AGBL1: variants seen among roughly 807,000 people sequenced by gnomAD.
AGBL1 encodes AGBL carboxypeptidase 1.
A neutral mutation model predicts 118.9 loss-of-function variants in AGBL1; 130 were observed. The ratio of observed to expected loss-of-function variants is 1.09; its 90% CI spans 0.95 to 1.26. AGBL1 has a LOEUF of 1.26. Ranked by LOEUF, AGBL1 falls within the 50% of genes most tolerant of loss-of-function variation. The pLI is 0.00. For missense variants in AGBL1, 1,584 were observed against 1,298.1 expected, an observed-to-expected ratio of 1.22 and a Z score of -3.38; for synonymous variants, 555 against 478.9, an observed-to-expected ratio of 1.16 and a Z score of -2.08.
At chr15:86,380,788 T>A (rs2081104123) in intron 17 of AGBL1, among the ~76,000 whole-genome samples, 2 of 152,222 alleles carry the variant, frequency 1.3e-5, no homozygotes, top group Admixed American at 1.3e-4. Context: ...AGCTACTCAT[T>A]CTCATTTGAA....
chr15:86,475,187 G>C (rs1433392350), intron 18 of AGBL1, among the ~76,000 whole-genome samples: 1 of 152,138 alleles, frequency 6.6e-6, no homozygotes, highest in Non-Finnish European at 1.5e-5. Context: ...CCAAAGGAAC[G>C]CGACTCATTG....
chr15:86,305,933 T>A (rs2079833279), intron 17 of AGBL1, among the ~76,000 whole-genome samples: 1 of 152,190 alleles, frequency 6.6e-6, no homozygotes, highest in African/African-American at 2.4e-5. Context: ...ATTATTTTCT[T>A]CCATGGCTCA....
intron 22 of AGBL1, among the ~76,000 whole-genome samples, chr15:86,677,665 C>G (rs2085872927): frequency 6.6e-6 from 1 of 152,140 alleles, no homozygotes; most frequent in African/African-American, 2.4e-5. Context: ...AGAGCTGTGC[C>G]TCAGCAATGG....
intron 24 of AGBL1, among the ~76,000 whole-genome samples, chr15:87,013,159 T>C (rs917855478): frequency 6.6e-6 from 1 of 152,196 alleles, no homozygotes; most frequent in African/African-American, 2.4e-5. Flanking sequence ...GGAAATTAAA[T>C]GTTACTTCTT....
chr15:86,595,406 T>C (rs1343024009), intron 21 of AGBL1, among the ~76,000 whole-genome samples: 1 of 152,204 alleles, frequency 6.6e-6, no homozygotes, highest in African/African-American at 2.4e-5. Context: ...TCAGTTGCTG[T>C]CAGTTCTGTC....
intron 10 of AGBL1, 34 bp downstream of exon 10, chr15:86,262,928 A>G (rs773750005): frequency 6.7e-7 from 1 of 1,497,528 alleles, no homozygotes; most frequent in Non-Finnish European, 9.2e-7. Context: ...ATCTTTGACG[A>G]TGCATGATGG....
At chr15:86,554,216 A>G in intron 20 of AGBL1, 145 bp from the exon 21 acceptor site, 2 of 711,954 alleles carry the variant, frequency 2.8e-6, no homozygotes, top group Middle Eastern at 3.2e-4. Flanking sequence ...TTAAAAAGTG[A>G]TAGCCATTTC....
intron 23 of AGBL1, among the ~76,000 whole-genome samples, chr15:86,973,532 GA>G (rs58578419): frequency 0.04 from 6,074 of 151,730 alleles, 153 homozygotes; most frequent in Middle Eastern, 0.068. Flanking sequence ...AGCATGATCG[GA>G]AAAAAATCAC....
intron 24 of AGBL1, among the ~76,000 whole-genome samples, chr15:87,016,941 G>A (rs922434911): frequency 2.6e-5 from 4 of 152,162 alleles, no homozygotes; most frequent in Non-Finnish European, 4.4e-5. Flanking sequence ...AGAGACCCAG[G>A]AGTTTTGCAT....
intron 17 of AGBL1, among the ~76,000 whole-genome samples, chr15:86,308,428 C>T (rs538373276): frequency 6.6e-6 from 1 of 152,298 alleles, no homozygotes; most frequent in Non-Finnish European, 1.5e-5. Context: ...AGGAAGAGAG[C>T]CCTCTTCAGA....
chr15:86,536,492 G>A (rs2083427571), intron 19 of AGBL1, among the ~76,000 whole-genome samples: 1 of 152,054 alleles, frequency 6.6e-6, no homozygotes, highest in South Asian at 2.1e-4. Flanking sequence ...TGTATTTTTA[G>A]TAGAAACGGG....
intron 19 of AGBL1, among the ~76,000 whole-genome samples, chr15:86,524,351 G>C (rs866010592): frequency 2.0e-5 from 3 of 152,162 alleles, no homozygotes; most frequent in African/African-American, 7.2e-5. Context: ...TAATTACAGT[G>C]TATTACCTTC....
chr15:86,704,623 T>A (rs113895518), intron 22 of AGBL1, among the ~76,000 whole-genome samples: 3 of 152,030 alleles, frequency 2.0e-5, no homozygotes, highest in Non-Finnish European at 4.4e-5. Context: ...TATTAAAAAG[T>A]CAGGAAACAA....
intron 5 of AGBL1, among the ~76,000 whole-genome samples, chr15:86,184,424 TTTTTC>T (rs1368339771): frequency 6.7e-6 from 1 of 149,546 alleles, no homozygotes; most frequent in Non-Finnish European, 1.5e-5. Flanking sequence ...CCTTATTTCT[TTTTTC>T]TTTCTTTTTT....
At chr15:86,284,382 T>C (rs988147263) in intron 16 of AGBL1, among the ~76,000 whole-genome samples, 1 of 152,098 alleles carries the variant, frequency 6.6e-6, no homozygotes, top group Non-Finnish European at 1.5e-5. Context: ...AATCTGTGAG[T>C]AGATATCTAG....
chr15:86,135,603 A>G (rs910756183), intron 1 of AGBL1, among the ~76,000 whole-genome samples: 8 of 152,186 alleles, frequency 5.3e-5, no homozygotes, highest in South Asian at 4.1e-4. Flanking sequence ...ATCCCACTTC[A>G]TATCATTCCA....
chr15:86,946,456 C>G (rs1389735649), intron 23 of AGBL1: 1 of 151,866 alleles, frequency 6.6e-6, no homozygotes, highest in Non-Finnish European at 1.5e-5. Context: ...TTTATCCTTT[C>G]CATACATGAA....
At chr15:86,130,100 A>G (rs2076800271) in intron 1 of AGBL1, among the ~76,000 whole-genome samples, 1 of 152,116 alleles carries the variant, frequency 6.6e-6, no homozygotes, top group Non-Finnish European at 1.5e-5. Context: ...CTTGAACTGA[A>G]GTCCACACTG....
intron 17 of AGBL1, among the ~76,000 whole-genome samples, chr15:86,370,307 T>TC (rs1433019252): frequency 2.0e-5 from 3 of 150,882 alleles, no homozygotes; most frequent in African/African-American, 4.9e-5. Context: ...ATTCCTTTTT[T>TC]TTTTTTTTTT....
Sources: gnomAD v4.1 joint callset for allele counts (sites outside exome capture counted in the v4.1 genomes callset) on GRCh38, gnomAD v4.1.1 for gene constraint, MANE v1.5 for transcripts, NCBI Gene and HGNC (gene_info 2026-07-23, HGNC 2026-07-21) for gene names.